ATRNL1: variants seen among roughly 807,000 people sequenced by gnomAD.
The protein encoded by ATRNL1 is attractin like 1.
Under a neutral mutation model 182.7 loss-of-function variants are expected in ATRNL1, and 95 were observed. The ratio of observed to expected loss-of-function variants is 0.52; its 90% CI spans 0.44 to 0.62. ATRNL1 has a LOEUF of 0.62. ATRNL1 is among the 20% of genes least tolerant of loss of function. ATRNL1 has a pLI of 0.00. For missense variants in ATRNL1, 1,471 were observed against 1,679.5 expected, an observed-to-expected ratio of 0.88 and a Z score of 2.17; for synonymous variants, 576 against 568.3, an observed-to-expected ratio of 1.01 and a Z score of -0.19.
At chr10:115,615,297 G>A (rs1339309095) in intron 26 of ATRNL1, among the ~76,000 whole-genome samples, 2 of 152,080 alleles carry the variant, frequency 1.3e-5, no homozygotes, top group Non-Finnish European at 2.9e-5. Context: ...CTGACCAGTA[G>A]TGATGAATTC....
intron 24 of ATRNL1, among the ~76,000 whole-genome samples, chr10:115,488,056 A>G (rs1261703977): frequency 2.6e-5 from 4 of 152,144 alleles, no homozygotes; most frequent in Non-Finnish European, 5.9e-5. Flanking sequence ...CCAGTCTTGC[A>G]TCTCAGGGAT....
At chr10:115,843,040 G>C (rs1401637681) in intron 27 of ATRNL1, among the ~76,000 whole-genome samples, 2 of 151,968 alleles carry the variant, frequency 1.3e-5, no homozygotes, top group African/African-American at 4.8e-5. Context: ...AGAGAAACTT[G>C]GTCATGCCTT....
At chr10:115,694,932 T>C (rs4751561) in intron 26 of ATRNL1, among the ~76,000 whole-genome samples, 52,756 of 139,852 alleles carry the variant, frequency 0.38, 9,926 homozygotes, top group East Asian at 0.6. Flanking sequence ...CACACACACA[T>C]GCACACACGC....
chr10:115,662,266 A>T (rs1555038155), intron 26 of ATRNL1, among the ~76,000 whole-genome samples: 1 of 152,096 alleles, frequency 6.6e-6, no homozygotes, highest in African/African-American at 2.4e-5. Flanking sequence ...TATAGATACC[A>T]TCTCACACCA....
chr10:115,349,189 C>T (rs782085781), intron 19 of ATRNL1, among the ~76,000 whole-genome samples: 2 of 152,178 alleles, frequency 1.3e-5, no homozygotes, highest in Non-Finnish European at 2.9e-5. Flanking sequence ...TTAGCTCCCA[C>T]ATATGAATGA....
intron 27 of ATRNL1, among the ~76,000 whole-genome samples, chr10:115,832,627 C>A (rs2134315397): frequency 6.6e-6 from 1 of 152,314 alleles, no homozygotes; most frequent in South Asian, 2.1e-4. Context: ...TATGATAAGT[C>A]TGAGTCCAAG....
At chr10:115,628,984 T>A (rs1858304789) in intron 26 of ATRNL1, among the ~76,000 whole-genome samples, 1 of 152,164 alleles carries the variant, frequency 6.6e-6, no homozygotes, top group Non-Finnish European at 1.5e-5. Flanking sequence ...TATCTCTCAT[T>A]TTTATTCCAT....
intron 27 of ATRNL1, among the ~76,000 whole-genome samples, chr10:115,843,187 G>T (rs1950849367): frequency 6.6e-6 from 1 of 152,048 alleles, no homozygotes; most frequent in Admixed American, 6.6e-5. Flanking sequence ...CCTTGCAGAA[G>T]CAGGGCTATA....
At position 115,946,797 on chromosome 10, in the gene ATRNL1, T is replaced by A. The variant is rs993162673; in HGVS notation, c.*2018T>A. ...GAAACTAATGATTACAAAGATATAA[T>A]CATTTTTTAAAAAGTGATTGCCCAA... On this transcript the variant is annotated 3_prime_UTR_variant, in exon 29 of 29. Coordinates refer to ENST00000355044, the MANE Select transcript of ATRNL1 (RefSeq NM_207303.4). The A allele has an allele frequency of 2.6e-5, 4 of 152,182 alleles. No individual in the cohort carries two copies. The highest frequency in any genetic ancestry group is 5.9e-5 in the Non-Finnish European group (4 of 68,024). The allele number at this position is 152,182 out of a possible 1,614,324, so 9.4% of individuals were successfully genotyped here. A position where few individuals can be genotyped will look rare whatever the true frequency, so the allele number is the denominator to read the frequency against.
intron 26 of ATRNL1, among the ~76,000 whole-genome samples, chr10:115,567,850 A>G (rs2133854834): frequency 6.6e-6 from 1 of 152,228 alleles, no homozygotes; most frequent in Admixed American, 6.5e-5. Flanking sequence ...AGAATAATGC[A>G]TAATAAGTAA....
Position 115,244,644 on chromosome 10 carries a change from A to G in ATRNL1, c.1687+2919A>G, listed in dbSNP as rs186034065. Among the ~76,000 whole-genome samples, 13 of 152,304 alleles carry G rather than the reference A, an allele frequency of 8.5e-5. No individual in the cohort carries two copies. In the East Asian group the frequency reaches 2.5e-3, roughly 29 times the overall value. ...CATTTCTTAATGTTCTAGTTTGTAAATCTAGTTTGAGGTCAGATTTGAGAA... is the reference window on the plus strand; with the variant it reads ...CATTTCTTAATGTTCTAGTTTGTAAGTCTAGTTTGAGGTCAGATTTGAGAA... On this transcript the variant is annotated intron_variant, in intron 10 of 28. Coordinates refer to ENST00000355044, the MANE Select transcript of ATRNL1 (RefSeq NM_207303.4).
Position 115,241,600 on chromosome 10 carries a change from G to T in ATRNL1, c.1562G>T (p.Arg521Ile). 6.2e-7 allele frequency: 1 copy of T among 1,608,154 alleles called. No homozygotes were observed. The highest frequency in any genetic ancestry group is 8.5e-7 in the Non-Finnish European group (1 of 1,175,980). ...WTILKESGFARYLHSAVLING... is the reference protein window; with the variant it reads ...WTILKESGFAIYLHSAVLING... ...ATTTTGAAAGAAAGTGGGTTTGCCA[G>T]ATACCTTCATTCAGCTGTTCTTATC... is the stretch of plus-strand genomic sequence containing the variant. The change falls in exon 10 of 29, where the codon AGA (arginine) becomes ATA (isoleucine). Residue 521 changes from arginine to isoleucine, a missense_variant. Coordinates refer to ENST00000355044, the MANE Select transcript of ATRNL1 (RefSeq NM_207303.4).
chr10:115,191,184 C>A (rs576756868), intron 8 of ATRNL1, among the ~76,000 whole-genome samples: 6 of 152,158 alleles, frequency 3.9e-5, no homozygotes, highest in African/African-American at 1.4e-4. Flanking sequence ...AACATGGGAA[C>A]GCAGATATCT....
At chr10:115,506,971 G>T (rs782363070) in intron 24 of ATRNL1, among the ~76,000 whole-genome samples, 3 of 152,050 alleles carry the variant, frequency 2.0e-5, no homozygotes, top group Non-Finnish European at 4.4e-5. Context: ...TTGATGACAT[G>T]TGCCCAAAGT....
chr10:115,933,460 C>T (rs79614167), intron 28 of ATRNL1, among the ~76,000 whole-genome samples: 1,851 of 142,172 alleles, frequency 0.013, 41 homozygotes, highest in African/African-American at 0.054. Context: ...CCTGACTTCA[C>T]AGCGATGCTG....
intron 2 of ATRNL1, among the ~76,000 whole-genome samples, chr10:115,121,192 A>G (rs1844713355): frequency 6.6e-6 from 1 of 151,900 alleles, no homozygotes. Context: ...GGCTCACTGC[A>G]GCCTCTGCCT....
intron 8 of ATRNL1, among the ~76,000 whole-genome samples, chr10:115,198,727 T>G (rs921794925): frequency 3.3e-5 from 5 of 152,192 alleles, no homozygotes; most frequent in African/African-American, 1.2e-4. Flanking sequence ...TGCATGTGGA[T>G]ATCCAGTTTT....
intron 26 of ATRNL1, among the ~76,000 whole-genome samples, chr10:115,551,364 G>A (rs1365901225): frequency 1.3e-5 from 2 of 151,438 alleles, no homozygotes; most frequent in African/African-American, 4.8e-5. Flanking sequence ...TCTTTTGGAA[G>A]TCAAAATCTT....
chr10:115,686,854 A>G (rs1374025653), intron 26 of ATRNL1, among the ~76,000 whole-genome samples: 1 of 152,034 alleles, frequency 6.6e-6, no homozygotes, highest in Non-Finnish European at 1.5e-5. Context: ...TAATAATATA[A>G]AGTTTTGTTA....
Sources: gnomAD v4.1 joint callset for allele counts (sites outside exome capture counted in the v4.1 genomes callset) on GRCh38, gnomAD v4.1.1 for gene constraint, MANE v1.5 for transcripts, NCBI Gene and HGNC (gene_info 2026-07-23, HGNC 2026-07-21) for gene names.